Variants in PPP2R2D observed in about 807,000 individuals in gnomAD.
PPP2R2D encodes the protein serine/threonine-protein phosphatase 2A 55 kDa regulatory subunit B delta isoform.
PPP2R2D carries 9 observed loss-of-function variants against 31.1 expected under a neutral mutation model. That is an observed-to-expected ratio of 0.29 (90% CI 0.17 to 0.51). The LOEUF (loss-of-function observed/expected upper bound fraction) is 0.51, where lower values mean the gene tolerates loss of function less well. Among genes scored for constraint, PPP2R2D ranks in the 20% least tolerant of loss-of-function variants. The probability of loss-of-function intolerance (pLI) is 0.98; values close to 1 mark genes in which losing one functional copy is unlikely to be tolerated. For missense variants in PPP2R2D, 391 were observed against 465.6 expected (o/e 0.84, Z 1.48); for synonymous variants, 179 against 172.6 (o/e 1.04, Z -0.29).
At chr10:131,923,033 G>C (rs1475964409) in intron 2 of PPP2R2D, among the ~76,000 whole-genome samples, 1 of 152,160 alleles carries the variant, frequency 6.6e-6, no homozygotes, top group Non-Finnish European at 1.5e-5. Flanking sequence ...TGAGCACAGA[G>C]CTCATCCTTT....
At chr10:131,961,746 G>A (rs1484331616), downstream of PPP2R2D, among the ~76,000 whole-genome samples, 1 of 152,186 alleles carries the variant, frequency 6.6e-6, no homozygotes, top group African/African-American at 2.4e-5. Context: ...CAGTCCCAAG[G>A]GCACAGCGGC....
In PPP2R2D at chr10:131,913,137, C is replaced by T. The variant is rs1215333053; in HGVS notation, c.100+11807C>T. Among the ~76,000 whole-genome samples, 6 of 151,998 alleles carry T rather than the reference C, an allele frequency of 3.9e-5. No individual in the cohort carries two copies. The South Asian group carries it at 8.3e-4, about 21-fold the overall frequency. ...TCCCAGGTTCAAACGGTTCTCCTGCCTCAGCCTCCCGAGGTGTGATTACAG... is the reference window on the plus strand; with the variant it reads ...TCCCAGGTTCAAACGGTTCTCCTGCTTCAGCCTCCCGAGGTGTGATTACAG... On this transcript the variant is annotated intron_variant, in intron 2 of 8. Coordinates refer to ENST00000455566, the MANE Select transcript of PPP2R2D (RefSeq NM_018461.5).
intron 2 of PPP2R2D, among the ~76,000 whole-genome samples, chr10:131,923,896 G>A (rs1257613910): frequency 6.6e-6 from 1 of 152,042 alleles, no homozygotes; most frequent in Non-Finnish European, 1.5e-5. Context: ...AGCTGGGACT[G>A]CAGATACACA....
chr10:131,929,793 C>G (rs2036182454), intron 2 of PPP2R2D, among the ~76,000 whole-genome samples: 3 of 152,154 alleles, frequency 2.0e-5, no homozygotes, highest in Admixed American at 2.0e-4. Context: ...GACTCCGTTT[C>G]CCCTTCCCCA....
downstream of PPP2R2D, among the ~76,000 whole-genome samples, chr10:131,963,853 A>T (rs1196823030): frequency 6.6e-6 from 1 of 152,104 alleles, no homozygotes; most frequent in Admixed American, 6.5e-5. Context: ...CTGCAGCCTC[A>T]TGGGGACTCA....
intron 2 of PPP2R2D, among the ~76,000 whole-genome samples, chr10:131,916,845 G>T (rs1270158408): frequency 6.7e-6 from 1 of 149,344 alleles, no homozygotes; most frequent in African/African-American, 2.5e-5. Context: ...AGTGTTTGTA[G>T]GGACCTCAGG....
intron 2 of PPP2R2D, among the ~76,000 whole-genome samples, chr10:131,906,056 C>A (rs969095133): frequency 0.018 from 2,695 of 152,318 alleles, 89 homozygotes; most frequent in African/African-American, 0.061. Flanking sequence ...AGAGTAGATA[C>A]CACAGAGACA....
chr10:131,961,153 G>A (rs782462652), downstream of PPP2R2D, among the ~76,000 whole-genome samples: 3 of 152,160 alleles, frequency 2.0e-5, no homozygotes, highest in South Asian at 2.1e-4. Flanking sequence ...CGCTGCCCGC[G>A]GCCGACGCTT....
At chr10:131,944,249 A>C in intron 6 of PPP2R2D, 104 bp downstream of exon 6, 1 of 922,854 alleles carries the variant, frequency 1.1e-6, no homozygotes. Context: ...TAGTCTTGTA[A>C]ATACCATCAC....
chr10:131,971,042 C>T, the PPP2R2D span: 8 of 1,386,584 alleles, frequency 5.8e-6, no homozygotes, highest in African/African-American at 7.1e-5. Flanking sequence ...AGCTCCCACC[C>T]GAGCTTCAGA....
intron 2 of PPP2R2D, among the ~76,000 whole-genome samples, chr10:131,918,173 G>C (rs1471304371): frequency 7.2e-6 from 1 of 138,874 alleles, no homozygotes; most frequent in Non-Finnish European, 1.5e-5. Context: ...GGGACCTCAC[G>C]TGGGTGGAAT....
intron 2 of PPP2R2D, among the ~76,000 whole-genome samples, chr10:131,913,267 G>T (rs2035714249): frequency 6.6e-6 from 1 of 150,500 alleles, no homozygotes; most frequent in South Asian, 2.1e-4. Context: ...CTGAGCTCAA[G>T]TGATCCGCCC....
chr10:131,961,342 G>A (rs2036916642), downstream of PPP2R2D, among the ~76,000 whole-genome samples: 1 of 152,160 alleles, frequency 6.6e-6, no homozygotes, highest in Non-Finnish European at 1.5e-5. Flanking sequence ...GTGAGTAAAG[G>A]CAGCACCCCC....
intron 8 of PPP2R2D, among the ~76,000 whole-genome samples, chr10:131,954,781 GC>G (rs1158956910): frequency 1.3e-5 from 2 of 152,230 alleles, no homozygotes; most frequent in Non-Finnish European, 2.9e-5. Context: ...AGCGTGAAAG[GC>G]CTCTCACCGC....
Position 131,956,156 on chromosome 10 carries a change from T to G in PPP2R2D, c.*193T>G. On this transcript the variant is annotated 3_prime_UTR_variant, in exon 9 of 9. Transcript: ENST00000455566. ...CCTCGGCGAGGCGCGAGACAGGCGC[T>G]GCTGCTCACGTGGAGACGCTCTCGA... The G allele has an allele frequency of 8.1e-7, 1 of 1,241,958 alleles. No individual in the cohort carries two copies. Among genetic ancestry groups the G allele is most frequent in the Non-Finnish European group, 1.0e-6 (1 of 994,256 alleles). 76.9% of individuals were successfully genotyped at this position (1,241,958 alleles called of 1,614,324 possible).
At chr10:131,906,933 C>G (rs1189666540) in intron 2 of PPP2R2D, among the ~76,000 whole-genome samples, 1 of 151,220 alleles carries the variant, frequency 6.6e-6, no homozygotes, top group African/African-American at 2.4e-5. Context: ...AGAGTGAGAC[C>G]TTGTCTCAGA....
At position 131,945,767 on chromosome 10, in the gene PPP2R2D, A is replaced by G; in HGVS notation, c.820+308A>G. 1 of 274,332 alleles carries G rather than the reference A, an allele frequency of 3.6e-6. No individual in the cohort carries two copies. Among genetic ancestry groups the G allele is most frequent in the South Asian group, 7.1e-5 (1 of 14,034 alleles). 17.0% of individuals were successfully genotyped at this position (274,332 alleles called of 1,614,324 possible). ...CACCTGGTCACGCCTGGCGTCTTTT[A>G]AAGCATCTCATTTAGAGCCACTTGT... On this transcript the variant is annotated intron_variant, in intron 7 of 8. Coordinates refer to ENST00000455566, the MANE Select transcript of PPP2R2D (RefSeq NM_018461.5). This position sits in a 1 kb window ranked among gnomAD's most constrained non-coding sequence, Gnocchi z 4.8.
In PPP2R2D at chr10:131,910,216, A is replaced by G. The variant is rs1382861216; in HGVS notation, c.100+8886A>G. 1.2e-4 allele frequency among the ~76,000 whole-genome samples: 19 copies of G among 152,188 alleles called. 1 individual carries two copies. Among genetic ancestry groups the G allele is most frequent in the Admixed American group, 1.2e-3 (19 of 15,272 alleles). ...GAACCCTGAGGTCTGTCTTGTGCTCAGAGTGGGTCTTTTGCTCATGGACAT... is the reference window on the plus strand; with the variant it reads ...GAACCCTGAGGTCTGTCTTGTGCTCGGAGTGGGTCTTTTGCTCATGGACAT... On this transcript the variant is annotated intron_variant, in intron 2 of 8. Coordinates refer to ENST00000455566, the MANE Select transcript of PPP2R2D (RefSeq NM_018461.5).
chr10:131,971,178 G>A, the PPP2R2D span: 36 of 573,006 alleles, frequency 6.3e-5, no homozygotes, highest in Non-Finnish European at 9.6e-5. Context: ...CACGCTCGCC[G>A]CCTCCAGGGA....
Sources: allele counts gnomAD v4.1 joint callset (sites outside exome capture counted in the v4.1 genomes callset), GRCh38; gene constraint gnomAD v4.1.1; non-coding constraint Gnocchi (gnomAD v3.1); transcripts MANE v1.5; gene names NCBI Gene and HGNC (gene_info 2026-07-23, HGNC 2026-07-21).